Variants in KCNQ5 observed in about 807,000 individuals in gnomAD.
KCNQ5 encodes potassium voltage-gated channel subfamily KQT member 5.
A neutral mutation model predicts 98.2 loss-of-function variants in KCNQ5; 30 were observed. That is an observed-to-expected ratio of 0.31 (90% confidence interval 0.23 to 0.41). KCNQ5 has a LOEUF of 0.41. Among genes scored for constraint, KCNQ5 ranks in the 10% least tolerant of loss-of-function variants. KCNQ5 has a pLI of 1.00. For synonymous variants in KCNQ5, 458 were observed against 449.4 expected (o/e 1.02, Z -0.24); for missense variants, 835 against 1,182.5 (o/e 0.71, Z 4.31).
At chr6:72,792,043 C>T (rs1279094548) in intron 1 of KCNQ5, among the ~76,000 whole-genome samples, 1 of 152,166 alleles carries the variant, frequency 6.6e-6, no homozygotes, top group Non-Finnish European at 1.5e-5. Context: ...GAGACTCCCA[C>T]AAAGTAAACT....
intron 1 of KCNQ5, among the ~76,000 whole-genome samples, chr6:72,945,076 C>T (rs1305350911): frequency 4.6e-5 from 7 of 152,096 alleles, no homozygotes; most frequent in Non-Finnish European, 7.4e-5. Flanking sequence ...TTAGTGAAGG[C>T]TTTTCATATC....
chr6:73,039,757 A>G (rs1361343309), intron 2 of KCNQ5, among the ~76,000 whole-genome samples: 1 of 152,140 alleles, frequency 6.6e-6, no homozygotes, highest in Non-Finnish European at 1.5e-5. Flanking sequence ...ATAAATGTGC[A>G]TGGGTGCTTT....
At chr6:72,803,905 A>G (rs1430851045) in intron 1 of KCNQ5, among the ~76,000 whole-genome samples, 1 of 152,146 alleles carries the variant, frequency 6.6e-6, no homozygotes, top group African/African-American at 2.4e-5. Context: ...AGCTATAAAT[A>G]GATGCATTTC....
chr6:72,983,651 C>T (rs1768587479), intron 1 of KCNQ5, among the ~76,000 whole-genome samples: 1 of 152,062 alleles, frequency 6.6e-6, no homozygotes, highest in Non-Finnish European at 1.5e-5. Flanking sequence ...TTGTTATTAC[C>T]AACCTTCTGA....
intron 1 of KCNQ5, among the ~76,000 whole-genome samples, chr6:72,914,780 G>C (rs372627690): frequency 3.8e-4 from 58 of 151,912 alleles, no homozygotes; most frequent in African/African-American, 1.1e-3. Context: ...TGGTGGCCAT[G>C]GAATTGCCAT....
In KCNQ5 at chr6:72,987,202, C is replaced by T. The variant is rs371501178; in HGVS notation, c.399-16706C>T. The T allele has an allele frequency of 9.3e-4, 643 of 687,798 alleles. 12 individuals are homozygous for T. Among genetic ancestry groups the T allele is most frequent in the South Asian group, 8.9e-3 (620 of 70,052 alleles). The allele number at this position is 687,798 out of a possible 1,614,324, so 42.6% of individuals were successfully genotyped here. On this transcript the variant is annotated intron_variant, in intron 1 of 13. Transcript: ENST00000370398. ...GAGCAGCCAATCATTGAGGAGCCGGCTCTGAAAAGGAAGAAAAAGAACAAG... is the reference window on the plus strand; with the variant it reads ...GAGCAGCCAATCATTGAGGAGCCGGTTCTGAAAAGGAAGAAAAAGAACAAG...
At chr6:72,994,581 C>G (rs1476193787) in intron 1 of KCNQ5, among the ~76,000 whole-genome samples, 3 of 149,682 alleles carry the variant, frequency 2.0e-5, no homozygotes, top group Non-Finnish European at 4.4e-5. Flanking sequence ...GTGAGATGAA[C>G]CCGGTACCTC....
chr6:72,937,675 T>C (rs1766010132), intron 1 of KCNQ5, among the ~76,000 whole-genome samples: 2 of 152,208 alleles, frequency 1.3e-5, no homozygotes, highest in African/African-American at 2.4e-5. Context: ...GAAAGCTGCA[T>C]GCTCTCAAAT....
At chr6:72,710,431 T>C (rs1769307041) in intron 1 of KCNQ5, among the ~76,000 whole-genome samples, 1 of 152,164 alleles carries the variant, frequency 6.6e-6, no homozygotes, top group South Asian at 2.1e-4. Context: ...CCCAACTGTA[T>C]GCTGCCTACA....
chr6:72,797,736 A>G (rs926297509), intron 1 of KCNQ5, among the ~76,000 whole-genome samples: 8 of 152,190 alleles, frequency 5.3e-5, no homozygotes, highest in African/African-American at 1.9e-4. Context: ...GTTATAACAT[A>G]GACTTATGAT....
intron 1 of KCNQ5, among the ~76,000 whole-genome samples, chr6:72,652,311 G>A (rs1765918496): frequency 6.6e-6 from 1 of 151,300 alleles, no homozygotes; most frequent in Non-Finnish European, 1.5e-5. Flanking sequence ...TGTTTCAGAA[G>A]ATGAAGAAAT....
Position 72,877,945 on chromosome 6 carries a change from A to G in KCNQ5, c.399-125963A>G, listed in dbSNP as rs1003921539. ...AGGCAAATAAAATACAATACAGTTA[A>G]GTTTCAGTTAAGTATCTTCTGTAGA... On this transcript the variant is annotated intron_variant, in intron 1 of 13. Coordinates refer to ENST00000370398, the MANE Select transcript of KCNQ5 (RefSeq NM_019842.4). Among the ~76,000 whole-genome samples, 7 of 152,210 alleles carry G rather than the reference A, an allele frequency of 4.6e-5. No homozygotes were observed. In the East Asian group the frequency reaches 1.3e-3, roughly 29 times the overall value.
chr6:73,051,533 G>A (rs1449071157), intron 3 of KCNQ5, among the ~76,000 whole-genome samples: 2 of 152,060 alleles, frequency 1.3e-5, no homozygotes, highest in Admixed American at 1.3e-4. Context: ...CTAACCTCAA[G>A]GGGCCAGAGA....
chr6:73,023,437 G>A (rs2150341098), intron 2 of KCNQ5, among the ~76,000 whole-genome samples: 1 of 152,232 alleles, frequency 6.6e-6, no homozygotes, highest in Admixed American at 6.5e-5. Context: ...TGGAGATCAT[G>A]GCTATGTAGA....
chr6:73,090,810 A>G (rs1298432300), intron 5 of KCNQ5, among the ~76,000 whole-genome samples: 1 of 152,218 alleles, frequency 6.6e-6, no homozygotes, highest in Non-Finnish European at 1.5e-5. Flanking sequence ...ATCATTAAAG[A>G]GTCAGGAAAC....
intron 1 of KCNQ5, among the ~76,000 whole-genome samples, chr6:72,831,844 G>A (rs1170326147): frequency 6.6e-6 from 1 of 152,064 alleles, no homozygotes; most frequent in Non-Finnish European, 1.5e-5. Flanking sequence ...CATTAGAGTG[G>A]GGCTTTAGTG....
intron 1 of KCNQ5, among the ~76,000 whole-genome samples, chr6:72,738,742 C>T (rs1770978283): frequency 6.6e-6 from 1 of 151,998 alleles, no homozygotes; most frequent in Admixed American, 6.6e-5. Context: ...GGTATCACAT[C>T]GTGAAAAGAC....
intron 1 of KCNQ5, among the ~76,000 whole-genome samples, chr6:72,933,546 G>A (rs1224088552): frequency 6.6e-6 from 1 of 152,116 alleles, no homozygotes; most frequent in East Asian, 1.9e-4. Context: ...TTAATGATCT[G>A]TCATCTGTCA....
intron 1 of KCNQ5, among the ~76,000 whole-genome samples, chr6:72,969,799 G>T (rs1767788408): frequency 6.6e-6 from 1 of 152,204 alleles, no homozygotes; most frequent in East Asian, 1.9e-4. Flanking sequence ...CCCTATTTCT[G>T]TTACTGTTGA....
Sources: gnomAD v4.1 joint callset for allele counts (sites outside exome capture counted in the v4.1 genomes callset) on GRCh38, gnomAD v4.1.1 for gene constraint, MANE v1.5 for transcripts, NCBI Gene and HGNC (gene_info 2026-07-23, HGNC 2026-07-21) for gene names.